Variants in THSD7A observed in about 807,000 individuals in gnomAD.
THSD7A encodes the protein thrombospondin type-1 domain-containing protein 7A.
Under a neutral mutation model 231.3 loss-of-function variants are expected in THSD7A, and 96 were observed. The observed-to-expected ratio is 0.41, with a 90% CI of 0.35 to 0.49. THSD7A has a LOEUF of 0.49. Ranked by LOEUF, THSD7A falls within the 20% of genes least tolerant of loss-of-function variation. THSD7A has a pLI of 0.05. For synonymous variants in THSD7A, 940 were observed against 743.3 expected, an observed-to-expected ratio of 1.26 and a Z score of -4.30; for missense variants, 2,290 against 2,070.2, an observed-to-expected ratio of 1.11 and a Z score of -2.06.
At chr7:11,404,048 C>T (rs1783499715) in intron 22 of THSD7A, among the ~76,000 whole-genome samples, 2 of 152,006 alleles carry the variant, frequency 1.3e-5, no homozygotes. Flanking sequence ...CCTAGATTTG[C>T]AATTACTTTA....
At chr7:11,539,882 T>C (rs972547478) in intron 6 of THSD7A, among the ~76,000 whole-genome samples, 10 of 152,188 alleles carry the variant, frequency 6.6e-5, no homozygotes, top group East Asian at 5.8e-4. Flanking sequence ...AATTCCTCTA[T>C]AGGACTATGG....
chr7:11,806,385 C>T (rs1784397756), intron 1 of THSD7A, among the ~76,000 whole-genome samples: 1 of 152,002 alleles, frequency 6.6e-6, no homozygotes. Context: ...ACTTTTAGAC[C>T]TTGGACTATA....
intron 1 of THSD7A, among the ~76,000 whole-genome samples, chr7:11,762,195 G>C (rs1562536199): frequency 6.6e-6 from 1 of 152,092 alleles, no homozygotes. Context: ...AAATAGTGCT[G>C]TGATAAACAT....
chr7:11,447,150 G>A (rs888235910), intron 12 of THSD7A, 80 bp downstream of exon 12: 3 of 1,355,292 alleles, frequency 2.2e-6, no homozygotes, highest in Non-Finnish European at 3.1e-6. Flanking sequence ...CAAATACACT[G>A]TCAGAATTCT....
chr7:11,376,618 C>A lies in THSD7A; in HGVS notation c.4841G>T (p.Gly1614Val). The A allele has an allele frequency of 6.3e-7, 1 of 1,588,460 alleles. No homozygotes were observed. The highest frequency in any genetic ancestry group is 2.3e-5 in the East Asian group (1 of 43,672). Residue 1614 changes from glycine (G) to valine (V), a missense_variant, in exon 27 of 28, where the codon GGG becomes GTG. By Grantham distance (109) the Gly-to-Val change is moderately radical. Transcript: ENST00000423059. ...AATAAAGATGAGTAACACAAATGCC[C>A]CAGCTGCTACACCGTAAACCCAGGT... ...LKTWVYGVAAGAFVLLIFIVS... is the reference protein window; with the variant it reads ...LKTWVYGVAAVAFVLLIFIVS...
intron 23 of THSD7A, among the ~76,000 whole-genome samples, chr7:11,394,617 C>T (rs1286546266): frequency 3.3e-5 from 5 of 152,142 alleles, no homozygotes; most frequent in Non-Finnish European, 7.4e-5. Context: ...CTTTGATCAC[C>T]CGCACACGTG....
intron 23 of THSD7A, among the ~76,000 whole-genome samples, chr7:11,399,368 C>G (rs750468641): frequency 6.6e-6 from 1 of 152,062 alleles, no homozygotes; most frequent in Non-Finnish European, 1.5e-5. Flanking sequence ...ATGGTAATGA[C>G]AACTTTGCTT....
At chr7:11,445,538 TG>T (rs1784940300) in intron 13 of THSD7A, among the ~76,000 whole-genome samples, 1 of 151,934 alleles carries the variant, frequency 6.6e-6, no homozygotes, top group Non-Finnish European at 1.5e-5. Context: ...TGTGTGTGTG[TG>T]TGTGTCAATC....
chr7:11,492,382 A>G (rs1229386169), intron 6 of THSD7A, among the ~76,000 whole-genome samples: 1 of 152,066 alleles, frequency 6.6e-6, no homozygotes, highest in African/African-American at 2.4e-5. Flanking sequence ...CATATTCCAC[A>G]GACAGTTATT....
chr7:11,587,271 C>A (rs1026537837), intron 4 of THSD7A, among the ~76,000 whole-genome samples: 4 of 152,182 alleles, frequency 2.6e-5, no homozygotes, highest in Non-Finnish European at 5.9e-5. Context: ...TTCACGCCAG[C>A]ATAAGCTGGA....
intron 6 of THSD7A, among the ~76,000 whole-genome samples, chr7:11,532,551 C>T (rs575804336): frequency 6.6e-6 from 1 of 152,098 alleles, no homozygotes; most frequent in South Asian, 2.1e-4. Flanking sequence ...ATTTTCCTAC[C>T]CATTGAATCT....
chr7:11,525,620 T>C (rs1181190298), intron 6 of THSD7A, among the ~76,000 whole-genome samples: 4 of 152,162 alleles, frequency 2.6e-5, no homozygotes, highest in African/African-American at 9.6e-5. Context: ...CTTTCTGTAG[T>C]TGTCAGAAGT....
At chr7:11,654,134 A>G (rs1039035980) in intron 1 of THSD7A, among the ~76,000 whole-genome samples, 4 of 151,932 alleles carry the variant, frequency 2.6e-5, no homozygotes, top group Admixed American at 2.0e-4. Flanking sequence ...TGAGGATTGT[A>G]TAGTTTCTGG....
At chr7:11,647,666 T>C (rs1782333655) in intron 1 of THSD7A, among the ~76,000 whole-genome samples, 1 of 152,108 alleles carries the variant, frequency 6.6e-6, no homozygotes, top group Admixed American at 6.6e-5. Flanking sequence ...GCAAGTCCTC[T>C]GATTATGATG....
intron 7 of THSD7A, among the ~76,000 whole-genome samples, chr7:11,477,006 A>G (rs1786218486): frequency 6.6e-6 from 1 of 152,116 alleles, no homozygotes; most frequent in Non-Finnish European, 1.5e-5. Flanking sequence ...TGTACTTCCT[A>G]TGATCAAGAG....
intron 11 of THSD7A, among the ~76,000 whole-genome samples, chr7:11,453,225 T>C (rs1432114022): frequency 9.2e-5 from 14 of 151,932 alleles, no homozygotes. Flanking sequence ...AGCATATTTG[T>C]TCACAAAAAA....
At chr7:11,455,793 G>A (rs566374793) in intron 11 of THSD7A, among the ~76,000 whole-genome samples, 7 of 152,046 alleles carry the variant, frequency 4.6e-5, no homozygotes, top group South Asian at 2.1e-4. Context: ...GCTTTAGAGC[G>A]AATGTCAGTG....
chr7:11,768,441 G>A (rs1783098268), intron 1 of THSD7A, among the ~76,000 whole-genome samples: 1 of 152,156 alleles, frequency 6.6e-6, no homozygotes, highest in African/African-American at 2.4e-5. Context: ...CATTTAGACT[G>A]TCTAGGAGTC....
chr7:11,825,026 AAT>A (rs1009834874), intron 1 of THSD7A, among the ~76,000 whole-genome samples: 1 of 151,958 alleles, frequency 6.6e-6, no homozygotes, highest in African/African-American at 2.4e-5. Flanking sequence ...ACTAATAAAA[AAT>A]ATGTCTATAA....
Sources: allele counts gnomAD v4.1 joint callset (sites outside exome capture counted in the v4.1 genomes callset), GRCh38; gene constraint gnomAD v4.1.1; transcripts MANE v1.5; gene names NCBI Gene and HGNC (gene_info 2026-07-23, HGNC 2026-07-21).